The following LUC7L2 variants were observed in gnomAD, a reference collection of about 807,000 sequenced individuals.
The protein encoded by LUC7L2 is putative RNA-binding protein Luc7-like 2.
LUC7L2 carries 25 observed loss-of-function variants against 52.8 expected under a neutral mutation model. The ratio of observed to expected loss-of-function variants is 0.47; its 90% CI spans 0.34 to 0.66. The LOEUF (loss-of-function observed/expected upper bound fraction) is 0.66, where lower values mean the gene tolerates loss of function less well. LUC7L2 is among the 30% of genes least tolerant of loss of function. LUC7L2 has a pLI of 0.01. For missense variants in LUC7L2, 328 were observed against 497.8 expected (o/e 0.66, Z 3.25); for synonymous variants, 144 against 160.9 (o/e 0.89, Z 0.80).
chr7:139,382,970 G>A (rs1396379010), intron 2 of LUC7L2, among the ~76,000 whole-genome samples: 1 of 151,714 alleles, frequency 6.6e-6, no homozygotes, highest in Non-Finnish European at 1.5e-5. Context: ...TTGTTGCCCA[G>A]GCTGGAGTGC....
intron 1 of LUC7L2, chr7:139,346,055 T>C: frequency 6.1e-6 from 1 of 162,690 alleles, no homozygotes; most frequent in Non-Finnish European, 1.3e-5. Flanking sequence ...CTGACCAACA[T>C]GGAAAAACCC....
chr7:139,358,715 C>A (rs912685019), upstream of LUC7L2, among the ~76,000 whole-genome samples: 1 of 152,114 alleles, frequency 6.6e-6, no homozygotes, highest in Non-Finnish European at 1.5e-5. Flanking sequence ...TTAGAAGTCT[C>A]GCTCTGTCGC....
intron 6 of LUC7L2, 125 bp downstream of exon 6, chr7:139,407,475 G>A (rs1795177391): frequency 1.0e-5 from 11 of 1,101,580 alleles, no homozygotes; most frequent in Non-Finnish European, 1.3e-5. Flanking sequence ...ACTAAACAGT[G>A]TAGGATTATA....
At chr7:139,372,661 C>T (rs1051414431) in intron 1 of LUC7L2, among the ~76,000 whole-genome samples, 11 of 151,940 alleles carry the variant, frequency 7.2e-5, no homozygotes, top group African/African-American at 2.7e-4. Flanking sequence ...TATCCTCGGC[C>T]GGGTGCAGTG....
intron 1 of LUC7L2, among the ~76,000 whole-genome samples, chr7:139,372,924 T>C (rs980302610): frequency 1.3e-5 from 2 of 152,224 alleles, no homozygotes; most frequent in Admixed American, 1.3e-4. Flanking sequence ...GGTTTGATTC[T>C]GTGATTTGGA....
chr7:139,370,109 A>G (rs1800366816), intron 1 of LUC7L2, among the ~76,000 whole-genome samples: 1 of 152,238 alleles, frequency 6.6e-6, no homozygotes, highest in African/African-American at 2.4e-5. Flanking sequence ...ATGTTTTCAA[A>G]GCATCTGTAT....
chr7:139,413,385 T>C (rs1795453562), intron 8 of LUC7L2, among the ~76,000 whole-genome samples: 1 of 152,188 alleles, frequency 6.6e-6, no homozygotes, highest in South Asian at 2.1e-4. Flanking sequence ...TTCCTCTTGT[T>C]CAGATCACAT....
chr7:139,401,898 G>A (rs1485896844), intron 3 of LUC7L2, among the ~76,000 whole-genome samples: 1 of 151,876 alleles, frequency 6.6e-6, no homozygotes, highest in African/African-American at 2.4e-5. Context: ...GAGACTACAG[G>A]TGTGCCCCAC....
chr7:139,422,632 C>T lies in LUC7L2; in HGVS notation c.*292C>T. ...GAGTGCTAGTGAACAAATTGTGTTA[C>T]TTGCCTTGGGATTTTTTGAACGTTT... On this transcript the variant is annotated 3_prime_UTR_variant, in exon 10 of 10. Transcript: ENST00000354926. 1 of 546,574 alleles carries T rather than the reference C, an allele frequency of 1.8e-6. No homozygotes were observed. The highest frequency in any genetic ancestry group is 2.8e-6 in the Non-Finnish European group (1 of 360,486). 33.9% of individuals were successfully genotyped at this position (546,574 alleles called of 1,614,324 possible).
Position 139,409,618 on chromosome 7 carries a change from AAGAG to A in LUC7L2, c.755_758del (p.Arg252LysfsTer6), listed in dbSNP as rs368249579. The A allele has an allele frequency of 7.5e-6, 12 of 1,594,966 alleles. No individual in the cohort carries two copies. The highest frequency in any genetic ancestry group is 1.7e-5 in the Admixed American group (1 of 59,170). ...AACCAGGAACGGCTGAAACGAAGAG[AAGAG>A]AGAGAGAGAGAAGAAAGGGAGAAGC... On this transcript the variant is annotated frameshift_variant, in exon 7 of 10. Transcript: ENST00000354926. LOFTEE classifies it high-confidence loss of function.
At chr7:139,372,864 A>G (rs1456784993) in intron 1 of LUC7L2, among the ~76,000 whole-genome samples, 5 of 152,160 alleles carry the variant, frequency 3.3e-5, no homozygotes, top group Non-Finnish European at 7.4e-5. Flanking sequence ...CTTGTCTTAT[A>G]TGCCCCTTTG....
chr7:139,422,985 C>T lies in LUC7L2; in HGVS notation c.*645C>T, dbSNP rs577783795. On this transcript the variant is annotated 3_prime_UTR_variant, in exon 10 of 10. Transcript: ENST00000354926. ...TTTTTATTGAAATTTTGAAATCAAA[C>T]GTCTTGATTTTTCTGTTCTGTTGAA... 19 of 398,492 alleles carry T rather than the reference C, an allele frequency of 4.8e-5. No homozygotes were observed. The highest frequency in any genetic ancestry group is 3.8e-4 in the South Asian group (3 of 7,832). 24.7% of individuals were successfully genotyped at this position (398,492 alleles called of 1,614,324 possible).
At chr7:139,378,610 TCA>T (rs1287884394) in intron 2 of LUC7L2, among the ~76,000 whole-genome samples, 1 of 152,112 alleles carries the variant, frequency 6.6e-6, no homozygotes, top group Non-Finnish European at 1.5e-5. Flanking sequence ...CAGTTACAAT[TCA>T]GTGTTTTTCA....
At chr7:139,379,994 A>G (rs1800914079) in intron 2 of LUC7L2, among the ~76,000 whole-genome samples, 3 of 150,676 alleles carry the variant, frequency 2.0e-5, no homozygotes, top group Non-Finnish European at 3.0e-5. Flanking sequence ...GCCAACCAAC[A>G]TGGTGAAACC....
rs1340503926 is a variant in LUC7L2, at chr7:139,402,327, AT to A, written c.366+83del. 4.4e-6 allele frequency: 6 copies of A among 1,355,096 alleles called. No homozygotes were observed. In the South Asian group the frequency reaches 4.8e-5, roughly 11 times the overall value. The allele number at this position is 1,355,096 out of a possible 1,614,324, so 83.9% of individuals were successfully genotyped here. A position where few individuals can be genotyped will look rare whatever the true frequency, so the allele number is the denominator to read the frequency against. ...TAAGTTTTTATTTTGAAATAATTAG[AT>A]TTGCAAGAGATTGCAAAGACATATA... On this transcript the variant is annotated intron_variant, in intron 4 of 9. Coordinates refer to ENST00000354926, the MANE Select transcript of LUC7L2 (RefSeq NM_016019.5).
upstream of LUC7L2, chr7:139,359,630 G>C (rs1343065640): frequency 1.0e-5 from 4 of 397,002 alleles, no homozygotes; most frequent in Non-Finnish European, 1.8e-5. Context: ...CATCACCGCG[G>C]GCAGCGCAGC....
At chr7:139,344,923 C>G (rs1427690301) in intron 1 of LUC7L2, 1 of 150,748 alleles carries the variant, frequency 6.6e-6, no homozygotes, top group African/African-American at 2.4e-5. Context: ...CCGTGTTAGC[C>G]AGGATGGTCT....
intron 8 of LUC7L2, 83 bp from the exon 9 acceptor site, chr7:139,417,455 G>C: frequency 6.6e-7 from 1 of 1,517,042 alleles, no homozygotes; most frequent in Non-Finnish European, 8.8e-7. Context: ...CTGAAAAAAA[G>C]TTTCTCTTTA....
chr7:139,350,896 C>T (rs566590453), intron 1 of LUC7L2, among the ~76,000 whole-genome samples: 4 of 152,020 alleles, frequency 2.6e-5, no homozygotes, highest in Admixed American at 6.6e-5. Flanking sequence ...GGCTGGTCTC[C>T]GACTACTGAC....
Sources: allele counts gnomAD v4.1 joint callset (sites outside exome capture counted in the v4.1 genomes callset), GRCh38; gene constraint gnomAD v4.1.1; transcripts MANE v1.5; gene names NCBI Gene and HGNC (gene_info 2026-07-23, HGNC 2026-07-21).